Variants in DCAF6 observed in about 807,000 individuals in gnomAD.
The protein encoded by DCAF6 is DDB1 and CUL4 associated factor 6.
Under a neutral mutation model 125.1 loss-of-function variants are expected in DCAF6, and 54 were observed. The observed-to-expected ratio is 0.43, with a 90% CI of 0.35 to 0.54. The LOEUF is 0.54. DCAF6 is among the 20% of genes least tolerant of loss of function. The pLI is 0.01. For synonymous variants in DCAF6, 371 were observed against 390.4 expected (o/e 0.95, Z 0.58); for missense variants, 934 against 1,161.7 (o/e 0.80, Z 2.85).
chr1:167,955,156 A>C (rs1395098377), intron 2 of DCAF6, among the ~76,000 whole-genome samples: 1 of 152,202 alleles, frequency 6.6e-6, no homozygotes, highest in African/African-American at 2.4e-5. Context: ...GATAAATCAT[A>C]ATGTTTATCT....
the DCAF6 span, among the ~76,000 whole-genome samples, chr1:167,929,891 C>T: frequency 1.3e-5 from 2 of 152,192 alleles, no homozygotes; most frequent in Non-Finnish European, 2.9e-5. Flanking sequence ...CTCTTCCCAT[C>T]CCTTTCATGC....
At chr1:167,901,021 T>C in the DCAF6 span, among the ~76,000 whole-genome samples, 131 of 152,296 alleles carry the variant, frequency 8.6e-4, 1 homozygote, top group South Asian at 0.025. Context: ...TACTTATACC[T>C]CTCAGAATCT....
upstream of DCAF6, among the ~76,000 whole-genome samples, chr1:167,932,922 G>C (rs1049025108): frequency 2.6e-5 from 4 of 152,210 alleles, no homozygotes; most frequent in African/African-American, 9.6e-5. Context: ...ACTGGCTAGG[G>C]TGGAGTCACA....
At chr1:167,904,872 C>G in the DCAF6 span, 1 of 1,311,016 alleles carries the variant, frequency 7.6e-7, no homozygotes, top group Admixed American at 1.7e-5. Context: ...TGGAGCACAT[C>G]TGCTGTGACA....
intron 12 of DCAF6, among the ~76,000 whole-genome samples, chr1:168,033,002 T>C (rs1317760801): frequency 1.3e-5 from 2 of 151,174 alleles, no homozygotes; most frequent in East Asian, 1.9e-4. Context: ...ATATATAAAA[T>C]ACTCAGCATT....
At chr1:167,883,795 A>G in the DCAF6 span, among the ~76,000 whole-genome samples, 1 of 152,142 alleles carries the variant, frequency 6.6e-6, no homozygotes, top group South Asian at 2.1e-4. Flanking sequence ...TGGAAATATA[A>G]TCAAAATCCC....
chr1:168,063,496 G>T (rs971604513), intron 17 of DCAF6, 125 bp from the exon 18 acceptor site: 7 of 708,720 alleles, frequency 9.9e-6, no homozygotes, highest in Non-Finnish European at 1.5e-5. Context: ...GCTTTTGGTT[G>T]GGGGTGCCTT....
intron 15 of DCAF6, 27 bp from the exon 16 acceptor site, chr1:168,044,873 G>A: frequency 1.2e-6 from 2 of 1,606,824 alleles, no homozygotes; most frequent in Non-Finnish European, 8.5e-7. Flanking sequence ...ATTACCACCT[G>A]TTACATACAA....
At chr1:167,900,042 G>C in the DCAF6 span, among the ~76,000 whole-genome samples, 2 of 152,194 alleles carry the variant, frequency 1.3e-5, no homozygotes, top group African/African-American at 4.8e-5. Context: ...AGACAACAAA[G>C]GGTGGGGGAA....
the DCAF6 span, among the ~76,000 whole-genome samples, chr1:167,905,952 AC>A: frequency 6.6e-6 from 1 of 152,254 alleles, no homozygotes; most frequent in Admixed American, 6.5e-5. Context: ...AAAAGCAAAC[AC>A]CCTTTACTTT....
At chr1:167,986,386 C>T (rs1351747289) in intron 4 of DCAF6, among the ~76,000 whole-genome samples, 2 of 152,128 alleles carry the variant, frequency 1.3e-5, no homozygotes, top group Non-Finnish European at 2.9e-5. Context: ...TTTGGCCATT[C>T]GGGTATGGTA....
the DCAF6 span, among the ~76,000 whole-genome samples, chr1:167,929,899 T>A: frequency 6.6e-6 from 1 of 152,214 alleles, no homozygotes; most frequent in Non-Finnish European, 1.5e-5. Flanking sequence ...ATCCCTTTCA[T>A]GCCACTCCTT....
upstream of DCAF6, chr1:167,935,769 G>A: frequency 6.4e-7 from 1 of 1,565,312 alleles, no homozygotes; most frequent in East Asian, 2.4e-5. Flanking sequence ...AATTTCTCGG[G>A]CAGCATCAGC....
intron 4 of DCAF6, among the ~76,000 whole-genome samples, chr1:167,986,288 T>C (rs938363262): frequency 5.9e-5 from 9 of 152,292 alleles, no homozygotes; most frequent in South Asian, 2.1e-4. Context: ...TAGTTTTCCA[T>C]TGCAATTGTA....
intron 19 of DCAF6, 56 bp from the exon 20 acceptor site, chr1:168,066,321 A>T (rs898024548): frequency 8.7e-7 from 1 of 1,148,188 alleles, no homozygotes; most frequent in African/African-American, 1.6e-5. Context: ...TAATATAAGC[A>T]TATCCTGAAT....
rs371723765 is a variant in DCAF6, at chr1:168,058,428, T to C, written c.2301-5193T>C. ...TTTTTAAAAATCGTGTTTATTCACA[T>C]CACTGATTCTTGTTGTCACATATCT... On this transcript the variant is annotated intron_variant, in intron 17 of 21. Coordinates refer to ENST00000367840, the MANE Select transcript of DCAF6 (RefSeq NM_001198956.2). Among the ~76,000 whole-genome samples, 8 of 152,360 alleles carry C rather than the reference T, an allele frequency of 5.3e-5. No individual in the cohort carries two copies. The East Asian group carries it at 1.3e-3, about 26-fold the overall frequency.
the DCAF6 span, chr1:167,917,871 T>A: frequency 6.5e-6 from 1 of 152,830 alleles, no homozygotes; most frequent in Non-Finnish European, 1.5e-5. Context: ...AAAATGTTTT[T>A]AAATAGTTTG....
At chr1:168,033,332 G>A (rs1280588010) in intron 12 of DCAF6, among the ~76,000 whole-genome samples, 1 of 131,302 alleles carries the variant, frequency 7.6e-6, no homozygotes, top group African/African-American at 3.0e-5. Flanking sequence ...TTTTTGAGAC[G>A]GAGTCTCGCT....
At chr1:168,023,695 C>T (rs1346483672) in intron 12 of DCAF6, 1 of 152,450 alleles carries the variant, frequency 6.6e-6, no homozygotes, top group Non-Finnish European at 1.5e-5. Flanking sequence ...AAATATAGCA[C>T]AGAGAAGGAT....
Sources: gnomAD v4.1 joint callset for allele counts (sites outside exome capture counted in the v4.1 genomes callset) on GRCh38, gnomAD v4.1.1 for gene constraint, MANE v1.5 for transcripts, NCBI Gene and HGNC (gene_info 2026-07-23, HGNC 2026-07-21) for gene names.